SMARCC1: variants seen among roughly 807,000 people sequenced by gnomAD.
SMARCC1 encodes the protein SWI/SNF related BAF chromatin remodeling complex subunit C1, also known as SWI/SNF complex subunit SMARCC1.
SMARCC1 carries 43 observed loss-of-function variants against 147.4 expected under a neutral mutation model. The observed-to-expected ratio is 0.29, with a 90% CI of 0.23 to 0.38. SMARCC1 has a LOEUF of 0.38. Among genes scored for constraint, SMARCC1 ranks in the 10% least tolerant of loss-of-function variants. The probability of loss-of-function intolerance (pLI) is 1.00; values close to 1 mark genes in which losing one functional copy is unlikely to be tolerated. For missense variants in SMARCC1, 1,119 were observed against 1,381.1 expected, an observed-to-expected ratio of 0.81 and a Z score of 3.01; for synonymous variants, 495 against 484.4, an observed-to-expected ratio of 1.02 and a Z score of -0.29.
At chr3:47,623,801 T>A (rs1013416360) in intron 24 of SMARCC1, among the ~76,000 whole-genome samples, 1 of 152,064 alleles carries the variant, frequency 6.6e-6, no homozygotes, top group Non-Finnish European at 1.5e-5. Context: ...CCTTTGAAGA[T>A]AATAATGTTA....
intron 2 of SMARCC1, among the ~76,000 whole-genome samples, chr3:47,765,649 T>C (rs1290518846): frequency 2.6e-5 from 4 of 152,114 alleles, no homozygotes; most frequent in African/African-American, 9.7e-5. Context: ...CCAAAGATAG[T>C]CTCTCCATTC....
Position 47,720,655 on chromosome 3 carries a change from A to G in SMARCC1, c.716+11T>C, listed in dbSNP as rs185203092. On this transcript the variant is annotated intron_variant, in intron 7 of 27. Coordinates refer to ENST00000254480, the MANE Select transcript of SMARCC1 (RefSeq NM_003074.4). ...ATCTTTATACCAGGTCTCACAGCAT[A>G]TGAACATTACCTGTCTGGGTAAAAG... The G allele has an allele frequency of 4.4e-6, 7 of 1,575,812 alleles. No homozygotes were observed. The African/African-American group carries it at 9.4e-5, about 21-fold the overall frequency.
At position 47,745,851 on chromosome 3, in the gene SMARCC1, A is replaced by G. The variant is rs9814332; in HGVS notation, c.401+57T>C. ...ACAGGATTTTCTAACACAAGGAAACAGGACTTAAAAGTAAATAACTTAAGA... is the reference window on the plus strand; with the variant it reads ...ACAGGATTTTCTAACACAAGGAAACGGGACTTAAAAGTAAATAACTTAAGA... On this transcript the variant is annotated intron_variant, in intron 3 of 27. Coordinates refer to ENST00000254480, the MANE Select transcript of SMARCC1 (RefSeq NM_003074.4). The G allele has an allele frequency of 3.1e-3, 3,109 of 1,017,604 alleles. 55 individuals carry two copies. Among genetic ancestry groups the G allele is most frequent in the South Asian group, 0.03 (1,758 of 58,818 alleles). The allele number at this position is 1,017,604 out of a possible 1,614,324, so 63.0% of individuals were successfully genotyped here. A position where few individuals can be genotyped will look rare whatever the true frequency, so the allele number is the denominator to read the frequency against.
At chr3:47,729,355 G>A (rs1217624044) in intron 5 of SMARCC1, among the ~76,000 whole-genome samples, 2 of 151,948 alleles carry the variant, frequency 1.3e-5, no homozygotes, top group African/African-American at 2.4e-5. Flanking sequence ...TCTCTCTCTG[G>A]GTATCCATAT....
At chr3:47,633,779 T>TATATAC (rs1367543059) in intron 24 of SMARCC1, among the ~76,000 whole-genome samples, 26 of 28,874 alleles carry the variant, frequency 9.0e-4, no homozygotes, top group East Asian at 4.6e-3. Flanking sequence ...TATATATATA[T>TATATAC]ACACACACAC....
intron 2 of SMARCC1, among the ~76,000 whole-genome samples, chr3:47,753,476 G>A (rs943322600): frequency 1.3e-5 from 2 of 151,918 alleles, no homozygotes; most frequent in African/African-American, 4.8e-5. Flanking sequence ...CACTTTGGGA[G>A]GCCGAGGCGG....
At chr3:47,630,128 G>A (rs529587993) in intron 24 of SMARCC1, among the ~76,000 whole-genome samples, 408 of 134,208 alleles carry the variant, frequency 3.0e-3, no homozygotes, top group Non-Finnish European at 4.7e-3. Context: ...CCAGTTTCAC[G>A]GAAGAGGATG....
At chr3:47,722,158 T>C (rs2034240348) in intron 6 of SMARCC1, among the ~76,000 whole-genome samples, 1 of 152,042 alleles carries the variant, frequency 6.6e-6, no homozygotes, top group Non-Finnish European at 1.5e-5. Context: ...TCCTGTTAAG[T>C]GTGTCTTGGT....
intron 8 of SMARCC1, among the ~76,000 whole-genome samples, chr3:47,714,091 C>G (rs751610225): frequency 1.3e-5 from 2 of 152,210 alleles, no homozygotes; most frequent in Non-Finnish European, 2.9e-5. Context: ...TGGCCAGGCA[C>G]GATGGCTTAC....
intron 18 of SMARCC1, among the ~76,000 whole-genome samples, chr3:47,671,196 A>AAAAAAAAAAACAAC (rs753672169): frequency 4.9e-5 from 4 of 81,146 alleles, no homozygotes; most frequent in Admixed American, 1.8e-4. Flanking sequence ...AAAAAAAAAA[A>AAAAAAAAAAACAAC]AACACACACA....
At chr3:47,700,593 A>ACTGCAACCTCCGCCTC (rs1458522043) in intron 11 of SMARCC1, among the ~76,000 whole-genome samples, 1 of 152,116 alleles carries the variant, frequency 6.6e-6, no homozygotes, top group East Asian at 1.9e-4. Context: ...ATCTCAGCTC[A>ACTGCAACCTCCGCCTC]CTGCAACCTC....
intron 4 of SMARCC1, among the ~76,000 whole-genome samples, chr3:47,736,719 T>A (rs1318805968): frequency 1.3e-5 from 2 of 151,192 alleles, no homozygotes; most frequent in South Asian, 2.1e-4. Context: ...ATAAAAAAAA[T>A]AAAAAATAGC....
chr3:47,755,886 A>G (rs1346032389), intron 2 of SMARCC1, among the ~76,000 whole-genome samples: 4 of 148,940 alleles, frequency 2.7e-5, no homozygotes, highest in African/African-American at 7.4e-5. Flanking sequence ...GCTACTCTGA[A>G]GGCTGAGGCA....
At chr3:47,704,856 G>A (rs963233817) in intron 10 of SMARCC1, among the ~76,000 whole-genome samples, 6 of 152,022 alleles carry the variant, frequency 3.9e-5, no homozygotes, top group Non-Finnish European at 8.8e-5. Context: ...GATGGAGGCT[G>A]CAATGGGCCA....
intron 21 of SMARCC1, 61 bp downstream of exon 21, chr3:47,661,233 G>A: frequency 1.4e-6 from 2 of 1,415,686 alleles, no homozygotes; most frequent in Non-Finnish European, 1.9e-6. Context: ...AATTATTTGA[G>A]TAAACTGACA....
Position 47,710,703 on chromosome 3 carries a change from T to A in SMARCC1, c.898A>T (p.Ile300Phe). Residue 300 changes from isoleucine to phenylalanine, a missense_variant, in exon 9 of 28, where the codon ATT becomes TTT. Physicochemically the swap from Ile to Phe is conservative, Grantham distance 21 (BLOSUM62 0). Coordinates refer to ENST00000254480, the MANE Select transcript of SMARCC1 (RefSeq NM_003074.4). The part of the protein sequence containing the change: ...NRKPVSFRQR[I>F]STKNEEPVRS... ...AATACCTCTTCATTCTTGGTTGAAA[T>A]CCGCTGACGAAAACTCACAGGCTTC... The A allele has an allele frequency of 1.2e-6, 2 of 1,613,704 alleles. No homozygotes were observed. Among genetic ancestry groups the A allele is most frequent in the Non-Finnish European group, 1.7e-6 (2 of 1,179,898 alleles).
intron 21 of SMARCC1, among the ~76,000 whole-genome samples, chr3:47,659,627 C>A (rs890375081): frequency 6.6e-6 from 1 of 151,680 alleles, no homozygotes; most frequent in Non-Finnish European, 1.5e-5. Context: ...AATGTACCAC[C>A]CTGGTATTGA....
intron 24 of SMARCC1, among the ~76,000 whole-genome samples, chr3:47,623,592 C>T (rs887060936): frequency 6.6e-6 from 1 of 152,132 alleles, no homozygotes; most frequent in African/African-American, 2.4e-5. Context: ...CCCTAAACTA[C>T]AATGAGCTAC....
intron 19 of SMARCC1, among the ~76,000 whole-genome samples, chr3:47,663,409 T>C (rs1035135315): frequency 2.0e-5 from 3 of 152,036 alleles, no homozygotes; most frequent in Admixed American, 6.5e-5. Context: ...TTTCCATACA[T>C]AATAGCAATG....
Sources: allele counts gnomAD v4.1 joint callset (sites outside exome capture counted in the v4.1 genomes callset), GRCh38; gene constraint gnomAD v4.1.1; transcripts MANE v1.5; gene names NCBI Gene and HGNC (gene_info 2026-07-23, HGNC 2026-07-21).